CACNA2D3: variants seen among roughly 807,000 people sequenced by gnomAD.
The protein encoded by CACNA2D3 is voltage-dependent calcium channel subunit alpha-2/delta-3.
A neutral mutation model predicts 160.6 loss-of-function variants in CACNA2D3; 60 were observed. The observed-to-expected ratio is 0.37, with a 90% confidence interval of 0.30 to 0.46. CACNA2D3 has a LOEUF of 0.46. Ranked by LOEUF, CACNA2D3 falls within the 20% of genes least tolerant of loss-of-function variation. The pLI is 1.00. For synonymous variants in CACNA2D3, 558 were observed against 492.9 expected, an observed-to-expected ratio of 1.13 and a Z score of -1.75; for missense variants, 1,205 against 1,365.0, an observed-to-expected ratio of 0.88 and a Z score of 1.85.
At chr3:54,454,118 A>G (rs1369381637) in intron 4 of CACNA2D3, among the ~76,000 whole-genome samples, 1 of 152,292 alleles carries the variant, frequency 6.6e-6, no homozygotes, top group East Asian at 1.9e-4. Context: ...CCCTCCACTG[A>G]TTCTTGGCCA....
At chr3:54,321,005 T>C (rs187871077) in intron 3 of CACNA2D3, among the ~76,000 whole-genome samples, 7 of 152,302 alleles carry the variant, frequency 4.6e-5, no homozygotes, top group Non-Finnish European at 8.8e-5. Flanking sequence ...TTCCTATATA[T>C]TTGGATGTCT....
chr3:54,206,136 C>T (rs962210228), intron 2 of CACNA2D3, among the ~76,000 whole-genome samples: 5 of 152,134 alleles, frequency 3.3e-5, no homozygotes, highest in Non-Finnish European at 7.3e-5. Context: ...GTGGGCACTT[C>T]TTGGGTACTT....
intron 2 of CACNA2D3, among the ~76,000 whole-genome samples, chr3:54,251,263 G>A (rs181169679): frequency 1.2e-3 from 176 of 152,282 alleles, no homozygotes; most frequent in African/African-American, 3.9e-3. Context: ...TTCTGCAAGA[G>A]ATGAAGTCTT....
At chr3:54,175,796 G>A (rs1700668397) in intron 2 of CACNA2D3, among the ~76,000 whole-genome samples, 1 of 152,142 alleles carries the variant, frequency 6.6e-6, no homozygotes, top group African/African-American at 2.4e-5. Flanking sequence ...GGTCATTGGA[G>A]GGGAAGAAGA....
rs7649545 is a variant in CACNA2D3, at chr3:54,803,324, C to T, written c.1381-13529C>T. Among the ~76,000 whole-genome samples, 1,178 of 152,088 alleles carry T rather than the reference C, an allele frequency of 7.7e-3. 14 individuals are homozygous for T. Among genetic ancestry groups the T allele is most frequent in the African/African-American group, 0.026 (1,080 of 41,476 alleles). On this transcript the variant is annotated intron_variant, in intron 13 of 37. Transcript: ENST00000474759. ...TTGAAAACTTTGAAAAAAATTTAGA[C>T]GAATGTATAAGTAGAATAACCAATA...
At chr3:54,917,985 T>G (rs1002215067) in intron 27 of CACNA2D3, among the ~76,000 whole-genome samples, 1 of 152,198 alleles carries the variant, frequency 6.6e-6, no homozygotes, top group Admixed American at 6.5e-5. Context: ...TAGCATGAAC[T>G]CGAATTATAG....
At chr3:54,880,927 G>C in intron 21 of CACNA2D3, 64 bp downstream of exon 21, 1 of 1,374,048 alleles carries the variant, frequency 7.3e-7, no homozygotes, top group Non-Finnish European at 1.0e-6. Flanking sequence ...GCTAGCTACT[G>C]AGTTAGCTGA....
chr3:54,965,174 G>T (rs1400903662), intron 27 of CACNA2D3, among the ~76,000 whole-genome samples: 1 of 152,162 alleles, frequency 6.6e-6, no homozygotes, highest in Non-Finnish European at 1.5e-5. Flanking sequence ...AATTAGTGTG[G>T]CTGTGCTGCA....
intron 11 of CACNA2D3, among the ~76,000 whole-genome samples, chr3:54,735,399 G>T (rs1701476548): frequency 6.6e-6 from 1 of 152,110 alleles, no homozygotes; most frequent in African/African-American, 2.4e-5. Flanking sequence ...TTTTCCAAAG[G>T]GGTGAAGCGT....
intron 13 of CACNA2D3, among the ~76,000 whole-genome samples, chr3:54,777,164 A>G (rs138720239): frequency 4.6e-5 from 7 of 152,266 alleles, no homozygotes; most frequent in African/African-American, 1.4e-4. Context: ...CTTTACTCCA[A>G]AAGAATCGAT....
intron 27 of CACNA2D3, chr3:54,918,571 T>C (rs1242964550): frequency 1.2e-6 from 2 of 1,613,996 alleles, no homozygotes; most frequent in South Asian, 2.2e-5. Context: ...GGTGCAGCCA[T>C]AGATGGCAGC....
intron 2 of CACNA2D3, among the ~76,000 whole-genome samples, chr3:54,183,588 G>A (rs752326404): frequency 2.6e-5 from 4 of 151,972 alleles, no homozygotes; most frequent in Non-Finnish European, 5.9e-5. Context: ...ATTTGCCTGA[G>A]TTTAATAAGA....
intron 35 of CACNA2D3, among the ~76,000 whole-genome samples, chr3:55,064,292 G>A (rs1704585163): frequency 6.6e-6 from 1 of 152,212 alleles, no homozygotes; most frequent in African/African-American, 2.4e-5. Context: ...CTGGATCAGG[G>A]TGGGCGGGAG....
chr3:54,822,819 CTT>C (rs759713047), intron 14 of CACNA2D3, among the ~76,000 whole-genome samples: 1 of 96,096 alleles, frequency 1.0e-5, no homozygotes, highest in African/African-American at 5.2e-5. Context: ...TTCTTTCTTT[CTT>C]TCTTTCTTTC....
intron 2 of CACNA2D3, among the ~76,000 whole-genome samples, chr3:54,158,294 T>C (rs979789923): frequency 5.9e-5 from 9 of 152,238 alleles, no homozygotes; most frequent in African/African-American, 2.2e-4. Flanking sequence ...CTATTTTATT[T>C]CGGATGCCTT....
At chr3:55,015,387 T>C (rs1703307038) in intron 34 of CACNA2D3, among the ~76,000 whole-genome samples, 1 of 152,232 alleles carries the variant, frequency 6.6e-6, no homozygotes, top group Non-Finnish European at 1.5e-5. Context: ...CATAGTTTAT[T>C]TTTTAATTTT....
chr3:54,522,971 T>TACTG (rs1236499337), intron 5 of CACNA2D3, among the ~76,000 whole-genome samples: 24 of 150,876 alleles, frequency 1.6e-4, no homozygotes, highest in Non-Finnish European at 3.0e-4. Context: ...CTTACTTACT[T>TACTG]ACTGACCAAC....
At chr3:54,158,890 G>A (rs4928000) in intron 2 of CACNA2D3, among the ~76,000 whole-genome samples, 75,856 of 152,002 alleles carry the variant, frequency 0.5, 19,404 homozygotes, top group African/African-American at 0.62. Flanking sequence ...ACATGAAATC[G>A]AACTCCCTGC....
rs71074970 is a variant in CACNA2D3, at chr3:54,451,229, C to CTTTTTTTT, written c.382-52238_382-52231dup. 2.9e-3 allele frequency among the ~76,000 whole-genome samples: 151 copies of CTTTTTTTT among 51,748 alleles called. 46 individuals are homozygous for CTTTTTTTT. The highest frequency in any genetic ancestry group is 5.6e-3 in the African/African-American group (65 of 11,600). 33.9% of individuals were successfully genotyped at this position (51,748 alleles called of 152,430 possible). A position where few individuals can be genotyped will look rare whatever the true frequency, so the allele number is the denominator to read the frequency against. On this transcript the variant is annotated intron_variant, in intron 4 of 37. Coordinates refer to ENST00000474759, the MANE Select transcript of CACNA2D3 (RefSeq NM_018398.3). ...TGTCCCTTTCTGCTGATATAATAAT[C>CTTTTTTTT]TTTTTTTTTTTTTTTTTTTTTTTTT...
Sources: allele counts gnomAD v4.1 joint callset (sites outside exome capture counted in the v4.1 genomes callset), GRCh38; gene constraint gnomAD v4.1.1; transcripts MANE v1.5; gene names NCBI Gene and HGNC (gene_info 2026-07-23, HGNC 2026-07-21).